TUBGCP3: variants seen among roughly 807,000 people sequenced by gnomAD.
The protein encoded by TUBGCP3 is gamma-tubulin complex component 3.
TUBGCP3 carries 50 observed loss-of-function variants against 123.1 expected under a neutral mutation model. That is an observed-to-expected ratio of 0.41 (90% CI 0.32 to 0.51). The LOEUF is 0.51. TUBGCP3 is among the 20% of genes least tolerant of loss of function. The probability of loss-of-function intolerance (pLI) is 0.36; values close to 1 mark genes in which losing one functional copy is unlikely to be tolerated. For synonymous variants in TUBGCP3, 405 were observed against 413.9 expected (o/e 0.98, Z 0.26); for missense variants, 882 against 1,127.0 (o/e 0.78, Z 3.11).
intron 6 of TUBGCP3, among the ~76,000 whole-genome samples, chr13:112,555,707 G>A (rs190388861): frequency 5.9e-5 from 9 of 152,272 alleles, no homozygotes; most frequent in African/African-American, 1.9e-4. Flanking sequence ...TTTACTGGGG[G>A]CCTAACCCAG....
At chr13:112,513,757 C>A (rs1381049103) in intron 17 of TUBGCP3, among the ~76,000 whole-genome samples, 1 of 152,138 alleles carries the variant, frequency 6.6e-6, no homozygotes, top group East Asian at 1.9e-4. Context: ...CACTGACACC[C>A]CAACAGAAAC....
intron 1 of TUBGCP3, among the ~76,000 whole-genome samples, chr13:112,578,341 C>T (rs1252501256): frequency 1.3e-5 from 2 of 151,512 alleles, no homozygotes; most frequent in East Asian, 3.9e-4. Flanking sequence ...GGGCGGATCA[C>T]GAGGTCAGGA....
intron 11 of TUBGCP3, among the ~76,000 whole-genome samples, chr13:112,530,439 C>T (rs1877482710): frequency 6.6e-6 from 1 of 152,252 alleles, no homozygotes; most frequent in African/African-American, 2.4e-5. Flanking sequence ...GCATATACAA[C>T]TGACCCTTGA....
intron 11 of TUBGCP3, among the ~76,000 whole-genome samples, chr13:112,532,292 A>C (rs1877644964): frequency 6.6e-6 from 1 of 152,268 alleles, no homozygotes; most frequent in Admixed American, 6.5e-5. Flanking sequence ...TTTACATGGT[A>C]AACTTTTAAA....
chr13:112,487,696 G>A (rs544228678), intron 21 of TUBGCP3, among the ~76,000 whole-genome samples: 17 of 152,286 alleles, frequency 1.1e-4, no homozygotes, highest in Non-Finnish European at 2.2e-4. Context: ...AGGGATGCCT[G>A]TTCACGGAAC....
chr13:112,507,590 C>T (rs2139014867), intron 17 of TUBGCP3, among the ~76,000 whole-genome samples: 1 of 152,294 alleles, frequency 6.6e-6, no homozygotes. Flanking sequence ...CTGCTGGGTG[C>T]TCTGTGGGTG....
chr13:112,530,483 T>C (rs1877485540), intron 11 of TUBGCP3, among the ~76,000 whole-genome samples: 2 of 152,220 alleles, frequency 1.3e-5, no homozygotes, highest in East Asian at 1.9e-4. Flanking sequence ...GGTCCACTTA[T>C]AGGTGGATGT....
At chr13:112,513,170 C>G (rs1400211702) in intron 17 of TUBGCP3, among the ~76,000 whole-genome samples, 1 of 152,200 alleles carries the variant, frequency 6.6e-6, no homozygotes, top group Admixed American at 6.5e-5. Context: ...GGCTCAGTTA[C>G]CTGTATTGGT....
chr13:112,545,678 G>T lies in TUBGCP3; in HGVS notation c.1335+21C>A. ...CCATGCTTTTTAAATCCAAGTCTCA[G>T]AACCGAACACCGATCCTTACTTCGT... On this transcript the variant is annotated intron_variant, in intron 11 of 21. Coordinates refer to ENST00000261965, the MANE Select transcript of TUBGCP3 (RefSeq NM_006322.6). The surrounding 1 kb of genome is among the most constrained non-coding windows in gnomAD (Gnocchi z 4.1). The T allele has an allele frequency of 6.2e-7, 1 of 1,604,262 alleles. No individual in the cohort carries two copies. The highest frequency in any genetic ancestry group is 1.1e-5 in the South Asian group (1 of 90,888).
intron 17 of TUBGCP3, among the ~76,000 whole-genome samples, chr13:112,512,912 G>A (rs1881767491): frequency 6.6e-6 from 1 of 152,182 alleles, no homozygotes; most frequent in East Asian, 1.9e-4. Context: ...CTAAGAAAGT[G>A]TTACTTCTGA....
At chr13:112,579,196 A>G (rs529049687) in intron 1 of TUBGCP3, among the ~76,000 whole-genome samples, 1 of 152,378 alleles carries the variant, frequency 6.6e-6, no homozygotes, top group Admixed American at 6.5e-5. Flanking sequence ...CATCACTAGG[A>G]AAATTAAAAT....
chr13:112,540,450 G>T lies in TUBGCP3; in HGVS notation c.1335+5249C>A, dbSNP rs112780131. ...CTTGGGAAAGGACACCTGGGAATGA[G>T]GACGTCAATGTAGTAGCCCTATGAG... On this transcript the variant is annotated intron_variant, in intron 11 of 21. Transcript: ENST00000261965. Among the ~76,000 whole-genome samples the T allele has an allele frequency of 2.4e-3, 293 of 119,982 alleles. 5 individuals are homozygous for T. The highest frequency in any genetic ancestry group is 8.7e-3 in the African/African-American group (242 of 27,816). 78.7% of individuals were successfully genotyped at this position (119,982 alleles called of 152,430 possible). A position where few individuals can be genotyped will look rare whatever the true frequency, so the allele number is the denominator to read the frequency against.
chr13:112,579,343 T>C (rs1594231702), intron 1 of TUBGCP3, among the ~76,000 whole-genome samples: 1 of 149,762 alleles, frequency 6.7e-6, no homozygotes, highest in East Asian at 2.0e-4. Flanking sequence ...GGCCACGGCA[T>C]CCCTGGAGCT....
intron 3 of TUBGCP3, among the ~76,000 whole-genome samples, chr13:112,563,129 C>G (rs1208444205): frequency 6.6e-6 from 1 of 152,224 alleles, no homozygotes; most frequent in Admixed American, 6.5e-5. Flanking sequence ...GCACTCTACT[C>G]CCGTCTCCAC....
intron 2 of TUBGCP3, among the ~76,000 whole-genome samples, chr13:112,567,799 C>T (rs1481551897): frequency 2.0e-5 from 3 of 152,208 alleles, no homozygotes; most frequent in Admixed American, 6.5e-5. Flanking sequence ...AAAGTGGGAC[C>T]TCCACAGACC....
In TUBGCP3 at chr13:112,519,830, G is replaced by A. The variant is rs1341544001; in HGVS notation, c.1881+56C>T. 5.7e-6 allele frequency: 9 copies of A among 1,583,710 alleles called. No individual in the cohort carries two copies. The highest frequency in any genetic ancestry group is 2.7e-5 in the African/African-American group (2 of 73,806). On this transcript the variant is annotated intron_variant, in intron 15 of 21. Transcript: ENST00000261965. The surrounding 1 kb of genome is among the most constrained non-coding windows in gnomAD (Gnocchi z 6.2). The stretch of plus-strand genomic sequence containing the variant: ...TGGAAAACACTCGCTAGAACACCCC[G>A]GCCCAGTGGGTCCTCGGTGCCGGGG...
chr13:112,501,315 A>T (rs1447611726), intron 19 of TUBGCP3, among the ~76,000 whole-genome samples: 5 of 152,248 alleles, frequency 3.3e-5, no homozygotes, highest in African/African-American at 1.2e-4. Flanking sequence ...TATGTAGTCT[A>T]ATAAAGAATA....
intron 21 of TUBGCP3, among the ~76,000 whole-genome samples, chr13:112,487,053 A>ATGTATGTGTGTGTGTGTG (rs1879719489): frequency 6.8e-6 from 1 of 147,412 alleles, no homozygotes; most frequent in African/African-American, 2.5e-5. Flanking sequence ...AACACTGTGT[A>ATGTATGTGTGTGTGTGTG]TGTGTGTGTG....
At chr13:112,523,293 C>T (rs958039828) in intron 13 of TUBGCP3, among the ~76,000 whole-genome samples, 16 of 152,292 alleles carry the variant, frequency 1.1e-4, no homozygotes, top group African/African-American at 3.8e-4. Context: ...ACAAGAAAGG[C>T]GAGATCTTCT....
Sources: allele counts gnomAD v4.1 joint callset (sites outside exome capture counted in the v4.1 genomes callset), GRCh38; gene constraint gnomAD v4.1.1; non-coding constraint Gnocchi (gnomAD v3.1); transcripts MANE v1.5; gene names NCBI Gene and HGNC (gene_info 2026-07-23, HGNC 2026-07-21).